NOL11: variants seen among roughly 807,000 people sequenced by gnomAD.
NOL11 encodes the protein nucleolar protein 11.
A neutral mutation model predicts 93.0 loss-of-function variants in NOL11; 42 were observed. The observed-to-expected ratio is 0.45, with a 90% confidence interval of 0.35 to 0.58. The LOEUF is 0.58. Ranked by LOEUF, NOL11 falls within the 20% of genes least tolerant of loss-of-function variation. The probability of loss-of-function intolerance (pLI) is 0.00; values close to 1 mark genes in which losing one functional copy is unlikely to be tolerated. For synonymous variants in NOL11, 296 were observed against 293.7 expected (o/e 1.01, Z -0.08); for missense variants, 775 against 841.8 (o/e 0.92, Z 0.98).
intron 3 of NOL11, 146 bp from the exon 4 acceptor site, chr17:67,721,232 G>A: frequency 2.0e-6 from 1 of 508,138 alleles, no homozygotes; most frequent in East Asian, 3.2e-5. Context: ...TTGTAGGTTA[G>A]ATTTTGGAAC....
chr17:67,737,718 T>A (rs986050310), intron 12 of NOL11, 26 bp downstream of exon 12: 8 of 1,600,078 alleles, frequency 5.0e-6, no homozygotes, highest in Non-Finnish European at 6.8e-6. Context: ...TACCACACTG[T>A]ACGTGCATAA....
intron 16 of NOL11, among the ~76,000 whole-genome samples, chr17:67,741,373 C>T (rs926239214): frequency 1.3e-5 from 2 of 151,596 alleles, no homozygotes; most frequent in African/African-American, 2.4e-5. Context: ...CCCGGGCAAA[C>T]TACAATTTTT....
Position 67,734,370 on chromosome 17 carries a change from C to T in NOL11, c.861C>T (p.Leu287=), listed in dbSNP as rs763928035. The part of the protein sequence containing the change: ...GSPLAASKEC[L]SVWNIKFQTL... ...TTATGTCTTATTTTATAGAATGCCT[C>T]TCTGTATGGAACATAAAATTTCAAA... is the stretch of plus-strand genomic sequence containing the variant. The change falls in exon 8 of 18, where the codon CTC becomes CTT. Residue 287 remains leucine, a synonymous_variant. Coordinates refer to ENST00000253247, the MANE Select transcript of NOL11 (RefSeq NM_015462.5). 5.0e-6 allele frequency: 8 copies of T among 1,585,416 alleles called. No individual in the cohort carries two copies. Among genetic ancestry groups the T allele is most frequent in the Middle Eastern group, 3.3e-4 (2 of 6,040 alleles).
chr17:67,738,919 CT>C lies in NOL11; in HGVS notation c.1764-10del. 1 of 1,571,544 alleles carries C rather than the reference CT, an allele frequency of 6.4e-7. No homozygotes were observed. The highest frequency in any genetic ancestry group is 1.4e-5 in the African/African-American group (1 of 73,832). On this transcript the variant is annotated splice_polypyrimidine_tract_variant and intron_variant, in intron 14 of 17. Transcript: ENST00000253247. Reference sequence around the variant, plus strand: ...TTCTATTTGTTGAAGTACGATTTTCCTTTAGTCCTAAGTAATGCAATTCTTC... The same window carrying C: ...TTCTATTTGTTGAAGTACGATTTTCCTTAGTCCTAAGTAATGCAATTCTTC...
At chr17:67,735,796 C>T (rs1271792577) in intron 8 of NOL11, 104 bp from the exon 9 acceptor site, 13 of 737,858 alleles carry the variant, frequency 1.8e-5, no homozygotes, top group African/African-American at 3.6e-5. Context: ...TACTTTGCCT[C>T]GTTTTTAATA....
chr17:67,730,518 C>T (rs1044784631), intron 7 of NOL11, among the ~76,000 whole-genome samples: 5 of 152,200 alleles, frequency 3.3e-5, no homozygotes, highest in African/African-American at 1.2e-4. Context: ...CCTCAGCCTC[C>T]CGAAGTGCTG....
Position 67,719,866 on chromosome 17 carries a change from G to T in NOL11, c.256-40G>T, listed in dbSNP as rs756993183. 7 of 1,525,074 alleles carry T rather than the reference G, an allele frequency of 4.6e-6. No individual in the cohort carries two copies. The East Asian group carries it at 1.6e-4, about 35-fold the overall frequency. The allele number at this position is 1,525,074 out of a possible 1,614,324, so 94.5% of individuals were successfully genotyped here. On this transcript the variant is annotated intron_variant, in intron 2 of 17. Coordinates refer to ENST00000253247, the MANE Select transcript of NOL11 (RefSeq NM_015462.5). ...TATTTGTATTTATTATATGTAAATGGAGAATAGGATAGTTTTTAACTAGTA... is the reference window on the plus strand; with the variant it reads ...TATTTGTATTTATTATATGTAAATGTAGAATAGGATAGTTTTTAACTAGTA...
In NOL11 at chr17:67,736,690, T is replaced by G. The variant is rs1490686647; in HGVS notation, c.1079T>G (p.Val360Gly). Residue 360 changes from valine (V) to glycine (G), a missense_variant, in exon 10 of 18, where the codon GTA (valine) becomes GGA (glycine). This residue lies in a region of NOL11 where 416 missense variants were observed against 525.2 expected (regional missense o/e 0.79). Coordinates refer to ENST00000253247, the MANE Select transcript of NOL11 (RefSeq NM_015462.5). Reference protein sequence around the residue: ...DPGTHVVSHFVNWETPQGCGL... With the variant: ...DPGTHVVSHFGNWETPQGCGL... ...GGAACTCATGTCGTGTCCCATTTTG[T>G]AAACTGGGAGACACCTCAAGGATGT... 1 of 1,612,014 alleles carries G rather than the reference T, an allele frequency of 6.2e-7. No homozygotes were observed. Among genetic ancestry groups the G allele is most frequent in the East Asian group, 2.2e-5 (1 of 44,846 alleles).
intron 5 of NOL11, among the ~76,000 whole-genome samples, chr17:67,723,005 CTTTTTTTT>C (rs61233443): frequency 0.014 from 1,747 of 124,582 alleles, 32 homozygotes; most frequent in African/African-American, 0.04. Flanking sequence ...AATTTCAAAA[CTTTTTTTT>C]TTTTTTTTTT....
At chr17:67,719,508 C>G (rs913962605) in intron 1 of NOL11, 166 bp from the exon 2 acceptor site, 4 of 462,692 alleles carry the variant, frequency 8.6e-6, no homozygotes, top group African/African-American at 8.2e-5. Context: ...ATTTGCCCAC[C>G]TTGACCTCTC....
Position 67,719,898 on chromosome 17 carries a change from G to C in NOL11, c.256-8G>C, listed in dbSNP as rs1443542510. 1.9e-6 allele frequency: 3 copies of C among 1,563,078 alleles called. No individual in the cohort carries two copies. Among genetic ancestry groups the C allele is most frequent in the Non-Finnish European group, 2.6e-6 (3 of 1,146,760 alleles). ...GGATAGTTTTTAACTAGTATGTTTT[G>C]ATTTAAGGTTTTAAGAATATGGAAT... On this transcript the variant is annotated splice_region_variant and splice_polypyrimidine_tract_variant and intron_variant, in intron 2 of 17. Transcript: ENST00000253247.
At chr17:67,723,706 T>A (rs1244638974) in intron 5 of NOL11, among the ~76,000 whole-genome samples, 2 of 151,680 alleles carry the variant, frequency 1.3e-5, no homozygotes, top group Non-Finnish European at 2.9e-5. Flanking sequence ...TTTATGACCT[T>A]TTAAATTTAA....
intron 7 of NOL11, among the ~76,000 whole-genome samples, 159 bp from the exon 8 acceptor site, chr17:67,734,204 G>C (rs942655051): frequency 6.6e-6 from 1 of 152,018 alleles, no homozygotes. Flanking sequence ...TTCTTACCAT[G>C]AGCTCTCATT....
At chr17:67,741,213 G>A (rs1376815443) in intron 16 of NOL11, among the ~76,000 whole-genome samples, 1 of 152,046 alleles carries the variant, frequency 6.6e-6, no homozygotes, top group Non-Finnish European at 1.5e-5. Context: ...GGGACTACAG[G>A]CACAAGCCAC....
chr17:67,725,900 C>T (rs932272114), intron 6 of NOL11, among the ~76,000 whole-genome samples: 1 of 152,092 alleles, frequency 6.6e-6, no homozygotes, highest in Non-Finnish European at 1.5e-5. Context: ...GGCAACATAG[C>T]GAGACCCTAT....
chr17:67,736,004 C>A lies in NOL11; in HGVS notation c.1035C>A (p.Leu345=). 2 of 1,605,884 alleles carry A rather than the reference C, an allele frequency of 1.2e-6. No individual in the cohort carries two copies. Among genetic ancestry groups the A allele is most frequent in the Non-Finnish European group, 1.7e-6 (2 of 1,176,500 alleles). The change falls in exon 9 of 18, where the codon CTC becomes CTA. Residue 345 remains leucine (L), a synonymous_variant. Transcript: ENST00000253247. ...CATTAGCAGGTGCTCTTGGAAAACT[C>A]AAGCATAGTCAAGATCCAGGTAGAA... ...VSSLAGALGK[L]KHSQDPGTHV... is the part of the protein sequence containing the mutation.
Position 67,722,746 on chromosome 17 carries a change from G to C in NOL11, c.519+109G>C. 4 of 1,380,454 alleles carry C rather than the reference G, an allele frequency of 2.9e-6. No homozygotes were observed. In the South Asian group the frequency reaches 6.4e-5, roughly 22 times the overall value. 85.5% of individuals were successfully genotyped at this position (1,380,454 alleles called of 1,614,324 possible). Reference sequence around the variant, plus strand: ...GTCACCCAGGCTTGAGAGCAGTGGTGCCACGATGGTTCACTGCAGCCTCAA... The same window carrying C: ...GTCACCCAGGCTTGAGAGCAGTGGTCCCACGATGGTTCACTGCAGCCTCAA... On this transcript the variant is annotated intron_variant, in intron 5 of 17. Coordinates refer to ENST00000253247, the MANE Select transcript of NOL11 (RefSeq NM_015462.5).
chr17:67,726,026 A>G (rs1403952648), intron 6 of NOL11, among the ~76,000 whole-genome samples: 1 of 152,196 alleles, frequency 6.6e-6, no homozygotes, highest in Non-Finnish European at 1.5e-5. Context: ...TTGAGGCTAC[A>G]GTGAGCTGTG....
Position 67,736,236 on chromosome 17 carries a change from G to A in NOL11, c.1054+213G>A, listed in dbSNP as rs139400266. Among the ~76,000 whole-genome samples, 283 of 151,758 alleles carry A rather than the reference G, an allele frequency of 1.9e-3. 2 individuals carry two copies. The East Asian group carries it at 0.022, about 12-fold the overall frequency. ...AGAGGCGGGAGGATAGCTTGAGCCC[G>A]GGAGTTCAAGACCAGCCTGGGCAAC... On this transcript the variant is annotated intron_variant, in intron 9 of 17. Transcript: ENST00000253247.
Sources: gnomAD v4.1 joint callset for allele counts (sites outside exome capture counted in the v4.1 genomes callset) on GRCh38, gnomAD v4.1.1 for gene constraint, gnomAD v4.1.1 regional missense constraint, MANE v1.5 for transcripts, NCBI Gene and HGNC (gene_info 2026-07-23, HGNC 2026-07-21) for gene names.